THSD4: variants seen among roughly 807,000 people sequenced by gnomAD.
THSD4 encodes the protein thrombospondin type 1 domain containing 4.
A neutral mutation model predicts 119.0 loss-of-function variants in THSD4; 69 were observed. The ratio of observed to expected loss-of-function variants is 0.58; its 90% confidence interval spans 0.48 to 0.71. The LOEUF (loss-of-function observed/expected upper bound fraction) is 0.71, where lower values mean the gene tolerates loss of function less well. Among genes scored for constraint, THSD4 ranks in the 30% least tolerant of loss-of-function variants. THSD4 has a pLI of 0.00. For synonymous variants in THSD4, 524 were observed against 540.4 expected (o/e 0.97, Z 0.42); for missense variants, 1,393 against 1,391.1 (o/e 1.00, Z -0.02).
At chr15:71,657,606 A>G (rs1482117250) in intron 7 of THSD4, among the ~76,000 whole-genome samples, 1 of 152,212 alleles carries the variant, frequency 6.6e-6, no homozygotes, top group Non-Finnish European at 1.5e-5. Context: ...AGCCACTAGA[A>G]CACTGAAGAG....
intron 7 of THSD4, among the ~76,000 whole-genome samples, chr15:71,589,519 C>G (rs2049755479): frequency 7.2e-6 from 1 of 138,042 alleles, no homozygotes; most frequent in Admixed American, 7.4e-5. Flanking sequence ...CCATGCCCAG[C>G]TAACTTTTTA....
intron 8 of THSD4, among the ~76,000 whole-genome samples, chr15:71,676,939 T>C (rs1371256425): frequency 6.6e-6 from 1 of 152,378 alleles, no homozygotes; most frequent in East Asian, 1.9e-4. Flanking sequence ...TTTGAGTCAC[T>C]ACTTCCAATT....
intron 8 of THSD4, among the ~76,000 whole-genome samples, chr15:71,677,562 C>A (rs146895928): frequency 7.2e-5 from 11 of 152,324 alleles, no homozygotes; most frequent in Admixed American, 6.5e-4. Flanking sequence ...CTCTGATGTC[C>A]TTGCATCTGT....
At chr15:71,229,655 G>C (rs1481858107) in intron 4 of THSD4, among the ~76,000 whole-genome samples, 1 of 152,148 alleles carries the variant, frequency 6.6e-6, no homozygotes, top group Non-Finnish European at 1.5e-5. Flanking sequence ...CACAGATGCA[G>C]AACTCATGGA....
chr15:71,495,338 C>T (rs1309637728), intron 7 of THSD4, among the ~76,000 whole-genome samples: 1 of 152,062 alleles, frequency 6.6e-6, no homozygotes, highest in African/African-American at 2.4e-5. Flanking sequence ...GAAGAAAGCC[C>T]GCAAGTAGAC....
intron 7 of THSD4, among the ~76,000 whole-genome samples, chr15:71,564,749 G>GTATAT (rs2049198253): frequency 7.5e-5 from 2 of 26,780 alleles, no homozygotes; most frequent in Admixed American, 5.8e-4. Flanking sequence ...ACAATATATA[G>GTATAT]TATAACATAT....
chr15:71,499,500 T>TA (rs60677215), intron 7 of THSD4, among the ~76,000 whole-genome samples: 4,784 of 144,240 alleles, frequency 0.033, 215 homozygotes, highest in African/African-American at 0.099. Context: ...TTTATTATGG[T>TA]AAAAAAAAAA....
chr15:71,725,910 T>C (rs4777448), intron 8 of THSD4, among the ~76,000 whole-genome samples: 81,776 of 151,176 alleles, frequency 0.54, 26,381 homozygotes, highest in East Asian at 0.81. Flanking sequence ...GCCTCCTGAG[T>C]AGCTGGGATT....
intron 7 of THSD4, among the ~76,000 whole-genome samples, chr15:71,622,356 T>C (rs1274787802): frequency 6.6e-6 from 1 of 152,236 alleles, no homozygotes; most frequent in Non-Finnish European, 1.5e-5. Flanking sequence ...TTAAACCTTT[T>C]CTACTGGAGA....
intron 3 of THSD4, among the ~76,000 whole-genome samples, chr15:71,210,716 T>C (rs1567158458): frequency 6.6e-6 from 1 of 152,222 alleles, no homozygotes; most frequent in Non-Finnish European, 1.5e-5. Context: ...AATAGGTTTA[T>C]TCTCTTACAC....
At chr15:71,432,893 A>G (rs1371894449) in intron 7 of THSD4, among the ~76,000 whole-genome samples, 1 of 152,010 alleles carries the variant, frequency 6.6e-6, no homozygotes, top group Non-Finnish European at 1.5e-5. Flanking sequence ...CCTTTTTAAT[A>G]ATCTTCCTCA....
chr15:71,672,704 T>C (rs920425716), intron 8 of THSD4, among the ~76,000 whole-genome samples: 1 of 152,252 alleles, frequency 6.6e-6, no homozygotes, highest in African/African-American at 2.4e-5. Context: ...TGAAGTGCTG[T>C]TGAATTTTGT....
chr15:71,699,061 C>A (rs2052228992), intron 8 of THSD4, among the ~76,000 whole-genome samples: 1 of 151,932 alleles, frequency 6.6e-6, no homozygotes, highest in African/African-American at 2.4e-5. Flanking sequence ...AAAGAGTAGA[C>A]CTTATTTTTA....
At chr15:71,700,213 A>G (rs987133161) in intron 8 of THSD4, among the ~76,000 whole-genome samples, 3 of 152,208 alleles carry the variant, frequency 2.0e-5, no homozygotes, top group Admixed American at 6.5e-5. Context: ...ATGAAAAACT[A>G]TTAGACCTAA....
At chr15:71,499,284 A>G (rs1260920917) in intron 7 of THSD4, among the ~76,000 whole-genome samples, 1 of 152,092 alleles carries the variant, frequency 6.6e-6, no homozygotes, top group African/African-American at 2.4e-5. Flanking sequence ...CTCCACGGCC[A>G]AGGAGGAAGC....
chr15:71,222,669 A>G (rs1451776459), intron 4 of THSD4, among the ~76,000 whole-genome samples: 3 of 152,258 alleles, frequency 2.0e-5, no homozygotes, highest in Admixed American at 6.5e-5. Context: ...GCAGTTTCCT[A>G]TAGACGTTTT....
chr15:71,532,263 T>TGTGAGAGAGAGA, intron 7 of THSD4, among the ~76,000 whole-genome samples: 1 of 71,796 alleles, frequency 1.4e-5, no homozygotes, highest in East Asian at 4.2e-4. Context: ...CAACAAAGGG[T>TGTGAGAGAGAGA]GAGAGAGAGA....
rs1032784693 is a variant in THSD4, at chr15:71,770,371, T to C, written c.2770-693T>C. ...TAAAAAAAAAAAAAAAAAAAAAATC[T>C]TGGCTGGGTGCAGTGGCTCACGCCT... On this transcript the variant is annotated intron_variant, in intron 16 of 17. Coordinates refer to ENST00000261862, the MANE Select transcript of THSD4 (RefSeq NM_024817.3). Among the ~76,000 whole-genome samples the C allele has an allele frequency of 2.9e-5, 4 of 139,384 alleles. No individual in the cohort carries two copies. The East Asian group carries it at 6.1e-4, about 21-fold the overall frequency. The allele number at this position is 139,384 out of a possible 152,430, so 91.4% of individuals were successfully genotyped here.
At chr15:71,659,767 G>C (rs948371458) in intron 7 of THSD4, among the ~76,000 whole-genome samples, 1 of 152,212 alleles carries the variant, frequency 6.6e-6, no homozygotes, top group Non-Finnish European at 1.5e-5. Flanking sequence ...CATGAATGAG[G>C]AGGGAGAGAT....
Sources: gnomAD v4.1 joint callset for allele counts (sites outside exome capture counted in the v4.1 genomes callset) on GRCh38, gnomAD v4.1.1 for gene constraint, MANE v1.5 for transcripts, NCBI Gene and HGNC (gene_info 2026-07-23, HGNC 2026-07-21) for gene names.